CAMKK2: variants seen among roughly 807,000 people sequenced by gnomAD.
CAMKK2 encodes the protein calcium/calmodulin-dependent protein kinase kinase 2.
CAMKK2 carries 30 observed loss-of-function variants against 67.2 expected under a neutral mutation model. The ratio of observed to expected loss-of-function variants is 0.45; its 90% CI spans 0.33 to 0.61. The LOEUF is 0.61. CAMKK2 is among the 20% of genes least tolerant of loss of function. The pLI is 0.02. For synonymous variants in CAMKK2, 322 were observed against 326.2 expected, an observed-to-expected ratio of 0.99 and a Z score of 0.14; for missense variants, 643 against 802.0, an observed-to-expected ratio of 0.80 and a Z score of 2.39.
chr12:121,240,622 A>G lies in CAMKK2; in HGVS notation c.*77T>C. 6.5e-7 allele frequency: 1 copy of G among 1,534,810 alleles called. No individual in the cohort carries two copies. Among genetic ancestry groups the G allele is most frequent in the Non-Finnish European group, 8.7e-7 (1 of 1,146,688 alleles). ...CACACGTGCTGGGTTTCCGTAGGAC[A>G]TGCTGCTATGGAAACGCGGTGCAGC... On this transcript the variant is annotated 3_prime_UTR_variant, in exon 17 of 17. Coordinates refer to ENST00000404169, the MANE Select transcript of CAMKK2 (RefSeq NM_001270485.2). The surrounding 1 kb of genome is among the most constrained non-coding windows in gnomAD (Gnocchi z 4.4).
intron 1 of CAMKK2, among the ~76,000 whole-genome samples, chr12:121,287,470 T>C (rs556865805): frequency 6.6e-6 from 1 of 151,750 alleles, no homozygotes; most frequent in East Asian, 1.9e-4. Context: ...CCCAGCAGGC[T>C]CGCAGTTGGG....
chr12:121,274,284 G>T lies in CAMKK2; in HGVS notation c.243C>A (p.Val81=). 6.2e-7 allele frequency: 1 copy of T among 1,612,278 alleles called. No homozygotes were observed. Among genetic ancestry groups the T allele is most frequent in the East Asian group, 2.2e-5 (1 of 44,868 alleles). Residue 81 remains valine (V), a synonymous_variant, in exon 2 of 17, where the codon GTC becomes GTA. Transcript: ENST00000404169. The part of the protein sequence containing the change: ...DRPLEADGQE[V]PLDTSGSQAR... Reference sequence around the variant, plus strand: ...CCTGGGACCCGGAGGTGTCAAGGGGGACCTCTTGGCCATCGGCCTCCAGGG... The same window carrying T: ...CCTGGGACCCGGAGGTGTCAAGGGGTACCTCTTGGCCATCGGCCTCCAGGG...
intron 6 of CAMKK2, chr12:121,260,559 G>T (rs1467821086): frequency 1.7e-6 from 1 of 588,806 alleles, no homozygotes; most frequent in Non-Finnish European, 3.0e-6. Flanking sequence ...GAAAATAAAT[G>T]CCTCTCTGTC....
chr12:121,260,182 G>A, intron 7 of CAMKK2, 137 bp downstream of exon 7: 1 of 703,688 alleles, frequency 1.4e-6, no homozygotes, highest in East Asian at 3.0e-5. Context: ...GTGGCCTCCG[G>A]TGGGGCCAGC....
chr12:121,255,675 C>T lies in CAMKK2; in HGVS notation c.819-37G>A, dbSNP rs367825385. On this transcript the variant is annotated intron_variant, in intron 8 of 16. Transcript: ENST00000404169. ...ACACTCATGTGAAACACAAAGCAGACCCGCCAGCCCTTGCCCTCTCTCATG... is the reference window on the plus strand; with the variant it reads ...ACACTCATGTGAAACACAAAGCAGATCCGCCAGCCCTTGCCCTCTCTCATG... 5.6e-6 allele frequency: 9 copies of T among 1,609,222 alleles called. No individual in the cohort carries two copies. In the East Asian group the frequency reaches 2.0e-4, roughly 36 times the overall value.
intron 5 of CAMKK2, among the ~76,000 whole-genome samples, chr12:121,267,508 T>C (rs1894867554): frequency 6.6e-6 from 1 of 151,546 alleles, no homozygotes; most frequent in African/African-American, 2.4e-5. Context: ...TTTTTCTTTT[T>C]TTGAGATGGA....
chr12:121,288,462 C>T (rs1323513352), intron 1 of CAMKK2, among the ~76,000 whole-genome samples: 1 of 152,194 alleles, frequency 6.6e-6, no homozygotes, highest in Admixed American at 6.5e-5. Context: ...ACCTAGAGGG[C>T]AGAACTGTCC....
At chr12:121,252,830 A>G (rs1566051828) in intron 10 of CAMKK2, 116 bp from the exon 11 acceptor site, 5 of 979,192 alleles carry the variant, frequency 5.1e-6, no homozygotes, top group Non-Finnish European at 7.9e-6. Context: ...GGGCGGGACC[A>G]ATCTTGTCTC....
At chr12:121,283,252 T>C (rs1342746645) in intron 1 of CAMKK2, among the ~76,000 whole-genome samples, 1 of 152,126 alleles carries the variant, frequency 6.6e-6, no homozygotes, top group Non-Finnish European at 1.5e-5. Context: ...TGCTGGAATA[T>C]TTCAGACCCA....
chr12:121,247,777 G>A (rs1889795776), intron 14 of CAMKK2, among the ~76,000 whole-genome samples: 1 of 152,154 alleles, frequency 6.6e-6, no homozygotes, highest in African/African-American at 2.4e-5. Context: ...GCTCCTACAG[G>A]GGCAATCCTT....
At chr12:121,295,695 C>G (rs768010720) in intron 1 of CAMKK2, among the ~76,000 whole-genome samples, 1 of 152,132 alleles carries the variant, frequency 6.6e-6, no homozygotes, top group Non-Finnish European at 1.5e-5. Flanking sequence ...AGGTCCCATC[C>G]GGAGGCCAGG....
chr12:121,259,578 T>C (rs997063537), intron 7 of CAMKK2, among the ~76,000 whole-genome samples: 5 of 152,172 alleles, frequency 3.3e-5, no homozygotes, highest in Non-Finnish European at 5.9e-5. Flanking sequence ...ACTTCATTTA[T>C]TTGCCTACTA....
chr12:121,282,927 G>GT (rs1481752856), intron 1 of CAMKK2, among the ~76,000 whole-genome samples: 2 of 151,966 alleles, frequency 1.3e-5, no homozygotes, highest in Non-Finnish European at 2.9e-5. Context: ...GCTAATTTTT[G>GT]TATTTTTAGT....
At chr12:121,267,830 A>G (rs1401715416) in intron 5 of CAMKK2, among the ~76,000 whole-genome samples, 1 of 151,852 alleles carries the variant, frequency 6.6e-6, no homozygotes, top group African/African-American at 2.4e-5. Flanking sequence ...CTAAATATCT[A>G]TATACATATC....
chr12:121,241,536 G>A (rs545453314), intron 16 of CAMKK2, among the ~76,000 whole-genome samples: 115 of 152,346 alleles, frequency 7.5e-4, no homozygotes, highest in Non-Finnish European at 1.3e-3. Flanking sequence ...GTGTGACAGC[G>A]TGGATGGCGT....
chr12:121,244,693 G>A, intron 15 of CAMKK2, 78 bp from the exon 16 acceptor site: 2 of 1,198,010 alleles, frequency 1.7e-6, no homozygotes, highest in East Asian at 5.1e-5. Flanking sequence ...CCCCCACCCT[G>A]AGACACTCAG....
chr12:121,269,626 A>C, intron 3 of CAMKK2, 45 bp from the exon 4 acceptor site: 1 of 1,478,652 alleles, frequency 6.8e-7, no homozygotes, highest in African/African-American at 1.4e-5. Context: ...AGAAGTTAAG[A>C]TCTGCAAAAT....
chr12:121,239,198 C>G lies in CAMKK2; in HGVS notation c.*1501G>C, dbSNP rs759100397. The G allele has an allele frequency of 6.6e-6, 1 of 152,172 alleles. No homozygotes were observed. The highest frequency in any genetic ancestry group is 1.5e-5 in the Non-Finnish European group (1 of 68,042). 9.4% of individuals were successfully genotyped at this position (152,172 alleles called of 1,614,324 possible). A position where few individuals can be genotyped will look rare whatever the true frequency, so the allele number is the denominator to read the frequency against. On this transcript the variant is annotated 3_prime_UTR_variant, in exon 17 of 17. Coordinates refer to ENST00000404169, the MANE Select transcript of CAMKK2 (RefSeq NM_001270485.2). ...TGATCAGATGGAAACAATGGGGAAG[C>G]AGAGTTTCCCGGTGCCGTCTTTCCC...
intron 16 of CAMKK2, 67 bp downstream of exon 16, chr12:121,244,506 T>C: frequency 6.8e-7 from 1 of 1,462,354 alleles, no homozygotes. Flanking sequence ...GCCCCCGTGC[T>C]CTGCAGCTGC....
Sources: allele counts gnomAD v4.1 joint callset (sites outside exome capture counted in the v4.1 genomes callset), GRCh38; gene constraint gnomAD v4.1.1; non-coding constraint Gnocchi (gnomAD v3.1); transcripts MANE v1.5; gene names NCBI Gene and HGNC (gene_info 2026-07-23, HGNC 2026-07-21).